The following YEATS4 variants were observed in gnomAD, a reference collection of about 807,000 sequenced individuals.
The protein encoded by YEATS4 is YEATS domain-containing protein 4.
A neutral mutation model predicts 30.1 loss-of-function variants in YEATS4; 17 were observed. The ratio of observed to expected loss-of-function variants is 0.56; its 90% CI spans 0.39 to 0.85. YEATS4 has a LOEUF of 0.85. Among genes scored for constraint, YEATS4 ranks in the 40% least tolerant of loss-of-function variants. The probability of loss-of-function intolerance (pLI) is 0.00; values close to 1 mark genes in which losing one functional copy is unlikely to be tolerated. For missense variants in YEATS4, 142 were observed against 268.3 expected (o/e 0.53, Z 3.29); for synonymous variants, 85 against 87.5 (o/e 0.97, Z 0.16).
At chr12:69,371,831 G>C (rs111834109) in intron 6 of YEATS4, among the ~76,000 whole-genome samples, 1 of 152,186 alleles carries the variant, frequency 6.6e-6, no homozygotes, top group African/African-American at 2.4e-5. Context: ...ATCTTTGGTG[G>C]GACGAGATGG....
At chr12:69,402,496 T>G in the YEATS4 span, among the ~76,000 whole-genome samples, 1 of 152,172 alleles carries the variant, frequency 6.6e-6, no homozygotes, top group East Asian at 1.9e-4. Context: ...CTGTCCAGTC[T>G]TCTAGAGTTG....
At chr12:69,422,924 G>A in the YEATS4 span, 1 of 152,286 alleles carries the variant, frequency 6.6e-6, no homozygotes, top group African/African-American at 2.4e-5. Context: ...ATGAAGCCCA[G>A]AAGGATCCAA....
chr12:69,397,589 C>T, the YEATS4 span, among the ~76,000 whole-genome samples: 1 of 152,220 alleles, frequency 6.6e-6, no homozygotes, highest in South Asian at 2.1e-4. Flanking sequence ...TCATCTTTCA[C>T]CTTCCACCAT....
chr12:69,395,666 A>G (rs1023779654), downstream of YEATS4, among the ~76,000 whole-genome samples: 11 of 152,226 alleles, frequency 7.2e-5, no homozygotes, highest in Admixed American at 2.6e-4. Flanking sequence ...AAATTAAATG[A>G]AAAGGAAAAA....
At chr12:69,395,395 G>A (rs951330387), downstream of YEATS4, among the ~76,000 whole-genome samples, 2 of 152,098 alleles carry the variant, frequency 1.3e-5, no homozygotes, top group Admixed American at 6.5e-5. Flanking sequence ...AATCCTCTGT[G>A]GTTGTCAAAA....
the YEATS4 span, among the ~76,000 whole-genome samples, chr12:69,402,725 C>CTTTTTTTT: frequency 2.7e-5 from 3 of 113,112 alleles, no homozygotes; most frequent in Non-Finnish European, 3.6e-5. Flanking sequence ...TCTTTCTTTT[C>CTTTTTTTT]TTTTTTTTTT....
intron 4 of YEATS4, among the ~76,000 whole-genome samples, 194 bp downstream of exon 4, chr12:69,366,078 A>G (rs1185804579): frequency 6.6e-6 from 1 of 152,112 alleles, no homozygotes; most frequent in Non-Finnish European, 1.5e-5. Context: ...AAGTATGGAA[A>G]AAAACATATA....
chr12:69,426,664 T>C, the YEATS4 span, among the ~76,000 whole-genome samples: 2 of 152,210 alleles, frequency 1.3e-5, no homozygotes, highest in Non-Finnish European at 2.9e-5. Context: ...AGCCACCGCA[T>C]CCGGCCTAAA....
rs1366201905 is a variant in YEATS4 at position 69,359,818 on chromosome 12, T to C, written c.-155T>C. 4.8e-6 allele frequency: 4 copies of C among 839,872 alleles called. No homozygotes were observed. The highest frequency in any genetic ancestry group is 3.5e-5 in the African/African-American group (2 of 57,310). The allele number at this position is 839,872 out of a possible 1,614,324, so 52.0% of individuals were successfully genotyped here. A position where few individuals can be genotyped will look rare whatever the true frequency, so the allele number is the denominator to read the frequency against. ...CACAGTCGGCCTGAGGAGTTGACGG[T>C]TACTCACCGCCGTGAGCCCAAGTAA... On this transcript the variant is annotated 5_prime_UTR_variant, in exon 1 of 7. Coordinates refer to ENST00000247843, the MANE Select transcript of YEATS4 (RefSeq NM_006530.4).
the YEATS4 span, among the ~76,000 whole-genome samples, chr12:69,400,268 A>T: frequency 6.6e-6 from 1 of 152,308 alleles, no homozygotes; most frequent in South Asian, 2.1e-4. Flanking sequence ...AAGGTCACAT[A>T]CTAGGAAGTC....
the YEATS4 span, among the ~76,000 whole-genome samples, chr12:69,413,321 C>T: frequency 2.0e-5 from 3 of 146,950 alleles, no homozygotes; most frequent in Admixed American, 2.1e-4. Context: ...GCACTCCAGC[C>T]TGGGCAACAA....
the YEATS4 span, among the ~76,000 whole-genome samples, chr12:69,406,391 A>G: frequency 6.6e-6 from 1 of 152,248 alleles, no homozygotes; most frequent in African/African-American, 2.4e-5. Flanking sequence ...ACAGTGGCAC[A>G]AAAGTGTTTC....
chr12:69,389,450 C>CA (rs11333279), intron 6 of YEATS4, among the ~76,000 whole-genome samples: 2,405 of 99,404 alleles, frequency 0.024, 81 homozygotes, highest in African/African-American at 0.085. Flanking sequence ...GACTCCATCT[C>CA]AAAAAAAAAA....
At chr12:69,405,360 C>A in the YEATS4 span, among the ~76,000 whole-genome samples, 1 of 152,094 alleles carries the variant, frequency 6.6e-6, no homozygotes, top group Non-Finnish European at 1.5e-5. Flanking sequence ...TAAAATAGAA[C>A]AATTATAACA....
chr12:69,376,875 T>G (rs1054438706), intron 6 of YEATS4, among the ~76,000 whole-genome samples: 1 of 152,198 alleles, frequency 6.6e-6, no homozygotes, highest in African/African-American at 2.4e-5. Flanking sequence ...GCTTCAATCT[T>G]GTTGCTTGTT....
At chr12:69,367,927 C>T (rs1875499338) in intron 4 of YEATS4, among the ~76,000 whole-genome samples, 1 of 151,990 alleles carries the variant, frequency 6.6e-6, no homozygotes. Context: ...CATCTGTTAC[C>T]CCTTATCCCC....
intron 6 of YEATS4, among the ~76,000 whole-genome samples, chr12:69,380,858 C>T (rs1876048823): frequency 6.6e-6 from 1 of 152,116 alleles, no homozygotes; most frequent in African/African-American, 2.4e-5. Context: ...CCCCACAAGC[C>T]ACAAAACCAG....
chr12:69,385,461 GCTTA>G (rs1251598887), intron 6 of YEATS4, among the ~76,000 whole-genome samples: 5 of 152,202 alleles, frequency 3.3e-5, no homozygotes, highest in South Asian at 2.1e-4. Flanking sequence ...CTTATTCAGT[GCTTA>G]CTATTTGTAT....
intron 6 of YEATS4, among the ~76,000 whole-genome samples, chr12:69,388,200 A>ATGCC (rs2121071853): frequency 6.6e-6 from 1 of 152,314 alleles, no homozygotes; most frequent in East Asian, 1.9e-4. Flanking sequence ...AGCTGGGACT[A>ATGCC]CAAGTGCTCG....
Sources: gnomAD v4.1 joint callset for allele counts (sites outside exome capture counted in the v4.1 genomes callset) on GRCh38, gnomAD v4.1.1 for gene constraint, MANE v1.5 for transcripts, NCBI Gene and HGNC (gene_info 2026-07-23, HGNC 2026-07-21) for gene names.